The following PIK3CD variants were observed in gnomAD, a reference collection of about 807,000 sequenced individuals.
The protein encoded by PIK3CD is phosphatidylinositol-4,5-bisphosphate 3-kinase catalytic subunit delta.
Under a neutral mutation model 122.9 loss-of-function variants are expected in PIK3CD, and 20 were observed. The ratio of observed to expected loss-of-function variants is 0.16; its 90% CI spans 0.11 to 0.24. The LOEUF is 0.24. PIK3CD is among the 10% of genes least tolerant of loss of function. The probability of loss-of-function intolerance (pLI) is 1.00; values close to 1 mark genes in which losing one functional copy is unlikely to be tolerated. For missense variants in PIK3CD, 787 were observed against 1,406.3 expected, an observed-to-expected ratio of 0.56 and a Z score of 7.04; for synonymous variants, 596 against 593.4, an observed-to-expected ratio of 1.00 and a Z score of -0.06.
At chr1:9,663,733 C>G (rs1645076697) in intron 1 of PIK3CD, among the ~76,000 whole-genome samples, 1 of 136,458 alleles carries the variant, frequency 7.3e-6, no homozygotes, top group Non-Finnish European at 1.6e-5. Flanking sequence ...TCCCTCCCCC[C>G]TCCCCCCATC....
chr1:9,664,328 C>T (rs1408927312), intron 1 of PIK3CD, among the ~76,000 whole-genome samples: 2 of 152,098 alleles, frequency 1.3e-5, no homozygotes, highest in Admixed American at 6.6e-5. Flanking sequence ...GGATTACAGG[C>T]GTGAACCACT....
upstream of PIK3CD, among the ~76,000 whole-genome samples, chr1:9,650,958 C>T (rs6540989): frequency 0.52 from 79,582 of 151,934 alleles, 22,485 homozygotes; most frequent in East Asian, 0.9. Flanking sequence ...ATCCTCCCAC[C>T]TCAGCCTCCC....
chr1:9,688,956 C>T (rs1045285504), intron 1 of PIK3CD, among the ~76,000 whole-genome samples: 1 of 152,140 alleles, frequency 6.6e-6, no homozygotes, highest in Non-Finnish European at 1.5e-5. Flanking sequence ...TAGGTACACT[C>T]ATTTATTTTC....
rs1647584874 is a variant in PIK3CD, at chr1:9,716,987, T to G, written c.809T>G (p.Leu270Trp). ...QYICSCLHSG[L>W]TPHLTMVHSS... ...ATCTGCAGCTGCCTGCACAGTGGGTTGACCCCTCACCTGACCATGGTCCAT... is the reference window on the plus strand; with the variant it reads ...ATCTGCAGCTGCCTGCACAGTGGGTGGACCCCTCACCTGACCATGGTCCAT... Residue 270 changes from leucine (L) to tryptophan (W), a missense_variant, in exon 7 of 24, where the codon TTG (leucine) becomes TGG (tryptophan). By Grantham distance (61) the Leu-to-Trp change is moderately conservative. Transcript: ENST00000377346. The G allele has an allele frequency of 4.3e-6, 7 of 1,613,896 alleles. No individual in the cohort carries two copies. Among genetic ancestry groups the G allele is most frequent in the Non-Finnish European group, 5.1e-6 (6 of 1,180,022 alleles).
At chr1:9,651,333 G>A (rs1210794162), upstream of PIK3CD, among the ~76,000 whole-genome samples, 1 of 152,134 alleles carries the variant, frequency 6.6e-6, no homozygotes, top group African/African-American at 2.4e-5. Context: ...TGGTCACCTC[G>A]CAATGGCGCT....
At position 9,723,417 on chromosome 1, in the gene PIK3CD, G is replaced by C; in HGVS notation, c.2594+125G>C. On this transcript the variant is annotated intron_variant, in intron 20 of 23. Coordinates refer to ENST00000377346, the MANE Select transcript of PIK3CD (RefSeq NM_005026.5). This position sits in a 1 kb window ranked among gnomAD's most constrained non-coding sequence, Gnocchi z 4.9. ...ACCATCTTTGTGGCTACTTGGCTCA[G>C]TTGAGGACCAGCCTGTGTCTGGGTT... 1 of 977,088 alleles carries C rather than the reference G, an allele frequency of 1.0e-6. No individual in the cohort carries two copies. The allele number at this position is 977,088 out of a possible 1,614,324, so 60.5% of individuals were successfully genotyped here. A position where few individuals can be genotyped will look rare whatever the true frequency, so the allele number is the denominator to read the frequency against.
At chr1:9,634,861 A>T in the PIK3CD span, among the ~76,000 whole-genome samples, 138 of 152,374 alleles carry the variant, frequency 9.1e-4, no homozygotes, top group African/African-American at 3.1e-3. Flanking sequence ...AAGAGAGTTT[A>T]TACTGAGCTG....
At position 9,720,526 on chromosome 1, in the gene PIK3CD, G is replaced by C; in HGVS notation, c.1471-85G>C. ...CAGAGGACAGCGCCCCCTCAAGGAT[G>C]ATTGGGGTGGCAATGCCCGGCCTGG... is the stretch of plus-strand genomic sequence containing the variant. On this transcript the variant is annotated intron_variant, in intron 11 of 23. Coordinates refer to ENST00000377346, the MANE Select transcript of PIK3CD (RefSeq NM_005026.5). This position sits in a 1 kb window ranked among gnomAD's most constrained non-coding sequence, Gnocchi z 9.0. 1 of 1,544,146 alleles carries C rather than the reference G, an allele frequency of 6.5e-7. No homozygotes were observed. The highest frequency in any genetic ancestry group is 8.8e-7 in the Non-Finnish European group (1 of 1,142,748).
Position 9,689,450 on chromosome 1 carries a change from C to G in PIK3CD, c.-137-2017C>G, listed in dbSNP as rs1400095297. The stretch of plus-strand genomic sequence containing the variant: ...TTGCCGACGGTGCCCGCGCCGCCGC[C>G]GGCCCCGGCCCCGCCCCAGCCCCGA... On this transcript the variant is annotated intron_variant, in intron 1 of 23. Transcript: ENST00000377346. This position sits in a 1 kb window ranked among gnomAD's most constrained non-coding sequence, Gnocchi z 6.1. 6.7e-6 allele frequency among the ~76,000 whole-genome samples: 1 copy of G among 149,376 alleles called. No homozygotes were observed. The highest frequency in any genetic ancestry group is 1.5e-5 in the Non-Finnish European group (1 of 66,828).
At chr1:9,630,724 G>C in the PIK3CD span, among the ~76,000 whole-genome samples, 1 of 149,912 alleles carries the variant, frequency 6.7e-6, no homozygotes, top group Non-Finnish European at 1.5e-5. Flanking sequence ...GTGTGTGTGT[G>C]TGTGTGTGTG....
rs1648989688 is a variant in PIK3CD, at chr1:9,723,349, A to T, written c.2594+57A>T. 6.4e-7 allele frequency: 1 copy of T among 1,568,696 alleles called. No individual in the cohort carries two copies. The highest frequency in any genetic ancestry group is 1.4e-5 in the African/African-American group (1 of 74,044). ...TCCTTTCCAAGAGGTGTGGAGTGGG[A>T]GGGCCTCGCCTGTCAGAACAAAGGA... On this transcript the variant is annotated intron_variant, in intron 20 of 23. Coordinates refer to ENST00000377346, the MANE Select transcript of PIK3CD (RefSeq NM_005026.5). The surrounding 1 kb of genome is among the most constrained non-coding windows in gnomAD (Gnocchi z 4.9).
upstream of PIK3CD, among the ~76,000 whole-genome samples, chr1:9,647,249 A>G (rs1323693108): frequency 2.0e-5 from 3 of 151,492 alleles, no homozygotes; most frequent in Non-Finnish European, 4.4e-5. Context: ...CCCTGTCTCT[A>G]CAAAAAAATT....
chr1:9,629,919 AG>A, the PIK3CD span, among the ~76,000 whole-genome samples: 55 of 151,564 alleles, frequency 3.6e-4, no homozygotes, highest in Non-Finnish European at 6.2e-4. Flanking sequence ...TCATGGGGTG[AG>A]GGGGGAGTGG....
chr1:9,717,295 G>A lies in PIK3CD; in HGVS notation c.930+187G>A, dbSNP rs1486766066. 1.3e-5 allele frequency among the ~76,000 whole-genome samples: 2 copies of A among 152,220 alleles called. No individual in the cohort carries two copies. The highest frequency in any genetic ancestry group is 2.4e-5 in the African/African-American group (1 of 41,462). ...CCTGTGGGACTGCCGTGGGTGGGGG[G>A]CAGCCCCATGCCTGGCTCACCGGCT... On this transcript the variant is annotated intron_variant, in intron 7 of 23. Transcript: ENST00000377346. This position sits in a 1 kb window ranked among gnomAD's most constrained non-coding sequence, Gnocchi z 5.4.
intron 1 of PIK3CD, among the ~76,000 whole-genome samples, chr1:9,663,013 A>G (rs965053531): frequency 3.9e-5 from 6 of 151,940 alleles, no homozygotes; most frequent in African/African-American, 1.5e-4. Flanking sequence ...TTATCAAACT[A>G]TTGCTCTGCG....
chr1:9,721,066 T>G, intron 13 of PIK3CD, 61 bp from the exon 14 acceptor site: 1 of 1,498,322 alleles, frequency 6.7e-7, no homozygotes, highest in Non-Finnish European at 9.2e-7. Flanking sequence ...CCATCACCCT[T>G]ACCCTGACCA....
the PIK3CD span, among the ~76,000 whole-genome samples, chr1:9,629,841 G>A: frequency 6.6e-6 from 1 of 151,998 alleles, no homozygotes; most frequent in Non-Finnish European, 1.5e-5. Flanking sequence ...ACGGGCTGGG[G>A]AGCACTTCTG....
the PIK3CD span, among the ~76,000 whole-genome samples, chr1:9,632,599 G>A: frequency 6.6e-6 from 1 of 152,180 alleles, no homozygotes; most frequent in South Asian, 2.1e-4. Flanking sequence ...GAGCAAAAAT[G>A]TGGATGCAAT....
chr1:9,664,053 T>C (rs867840218), intron 1 of PIK3CD, among the ~76,000 whole-genome samples: 2,364 of 143,408 alleles, frequency 0.016, 42 homozygotes, highest in African/African-American at 0.051. Flanking sequence ...TTCTTTCTTT[T>C]TTTTTTTTTT....
Sources: allele counts gnomAD v4.1 joint callset (sites outside exome capture counted in the v4.1 genomes callset), GRCh38; gene constraint gnomAD v4.1.1; non-coding constraint Gnocchi (gnomAD v3.1); transcripts MANE v1.5; gene names NCBI Gene and HGNC (gene_info 2026-07-23, HGNC 2026-07-21).